The following TMEM132C variants were observed in gnomAD, a reference collection of about 807,000 sequenced individuals.
The protein encoded by TMEM132C is protein phosphatase 1, regulatory subunit 152.
Under a neutral mutation model 61.4 loss-of-function variants are expected in TMEM132C, and 29 were observed. The ratio of observed to expected loss-of-function variants is 0.47; its 90% CI spans 0.35 to 0.64. TMEM132C has a LOEUF of 0.64. TMEM132C is among the 30% of genes least tolerant of loss of function. The probability of loss-of-function intolerance (pLI) is 0.00; values close to 1 mark genes in which losing one functional copy is unlikely to be tolerated. For synonymous variants in TMEM132C, 656 were observed against 633.1 expected, an observed-to-expected ratio of 1.04 and a Z score of -0.54; for missense variants, 1,408 against 1,476.9, an observed-to-expected ratio of 0.95 and a Z score of 0.76.
chr12:128,276,670 C>G (rs1436706527), intron 1 of TMEM132C, among the ~76,000 whole-genome samples: 1 of 152,134 alleles, frequency 6.6e-6, no homozygotes, highest in Non-Finnish European at 1.5e-5. Flanking sequence ...CTCAATTGGT[C>G]CCTCTGGCCC....
intron 1 of TMEM132C, among the ~76,000 whole-genome samples, chr12:128,373,196 T>C (rs1294464138): frequency 6.6e-6 from 1 of 152,126 alleles, no homozygotes; most frequent in African/African-American, 2.4e-5. Context: ...TGTTTTGTCC[T>C]CTTCCCACAG....
chr12:128,703,411 T>C (rs1954816435), intron 8 of TMEM132C, among the ~76,000 whole-genome samples: 1 of 152,234 alleles, frequency 6.6e-6, no homozygotes, highest in Non-Finnish European at 1.5e-5. Context: ...GGGTTTTCTG[T>C]TTCTGTGTCA....
chr12:128,419,678 GGTTATTTTCTTTTGATA>G (rs1201655671), intron 2 of TMEM132C, among the ~76,000 whole-genome samples: 1 of 148,868 alleles, frequency 6.7e-6, no homozygotes, highest in Non-Finnish European at 1.5e-5. Context: ...CATTGTTTAT[GGTTATTTTCTTTTGATA>G]GCCCAAATAC....
intron 3 of TMEM132C, among the ~76,000 whole-genome samples, chr12:128,580,599 A>C (rs1288753540): frequency 6.6e-6 from 1 of 152,170 alleles, no homozygotes; most frequent in Admixed American, 6.5e-5. Flanking sequence ...CCATGCAGTG[A>C]TTTTAAAATC....
chr12:128,629,002 TGTC>T (rs1565996391), intron 4 of TMEM132C, among the ~76,000 whole-genome samples: 1 of 152,190 alleles, frequency 6.6e-6, no homozygotes, highest in Non-Finnish European at 1.5e-5. Flanking sequence ...TTTAAGTAAT[TGTC>T]ACATGAGGAG....
chr12:128,600,738 C>G (rs1876155081), intron 3 of TMEM132C, among the ~76,000 whole-genome samples: 1 of 152,204 alleles, frequency 6.6e-6, no homozygotes, highest in African/African-American at 2.4e-5. Context: ...GTCTGGGGCC[C>G]ACCATGGACC....
At chr12:128,675,393 T>G (rs1027033805) in intron 5 of TMEM132C, among the ~76,000 whole-genome samples, 1 of 152,224 alleles carries the variant, frequency 6.6e-6, no homozygotes, top group African/African-American at 2.4e-5. Flanking sequence ...GTCACGCAAC[T>G]TGTACATGGC....
chr12:128,471,621 G>A (rs549257778), intron 2 of TMEM132C, among the ~76,000 whole-genome samples: 10 of 152,256 alleles, frequency 6.6e-5, no homozygotes, highest in Non-Finnish European at 1.3e-4. Flanking sequence ...ATCATGCTTG[G>A]GTGCACAGAT....
chr12:128,605,119 A>T (rs565513633), intron 3 of TMEM132C, among the ~76,000 whole-genome samples: 1 of 148,088 alleles, frequency 6.8e-6, no homozygotes, highest in Non-Finnish European at 1.5e-5. Flanking sequence ...TAAATGATAG[A>T]TAGATAGATA....
intron 4 of TMEM132C, among the ~76,000 whole-genome samples, chr12:128,629,674 AT>A (rs1954049387): frequency 6.6e-6 from 1 of 152,136 alleles, no homozygotes; most frequent in Non-Finnish European, 1.5e-5. Context: ...TGAATTCTGC[AT>A]TTTAAAATTT....
At chr12:128,530,161 C>T (rs1300623966) in intron 2 of TMEM132C, among the ~76,000 whole-genome samples, 3 of 152,056 alleles carry the variant, frequency 2.0e-5, no homozygotes, top group African/African-American at 7.2e-5. Flanking sequence ...CAGGCGTAGA[C>T]GATGCACCCA....
intron 3 of TMEM132C, among the ~76,000 whole-genome samples, chr12:128,583,891 C>T (rs542492963): frequency 3.1e-4 from 47 of 152,342 alleles, no homozygotes; most frequent in African/African-American, 1.1e-3. Context: ...GAGGAGTCTT[C>T]CCCAGGGTGT....
chr12:128,394,235 A>G (rs561741680), intron 1 of TMEM132C, among the ~76,000 whole-genome samples: 53 of 152,278 alleles, frequency 3.5e-4, no homozygotes, highest in African/African-American at 1.2e-3. Context: ...CCATGCTTCA[A>G]TTATCTCCCG....
At chr12:128,613,415 A>G (rs976639158) in intron 3 of TMEM132C, among the ~76,000 whole-genome samples, 8 of 152,202 alleles carry the variant, frequency 5.3e-5, no homozygotes, top group Admixed American at 2.6e-4. Context: ...TGCTCTTTAC[A>G]GATCCTCGCC....
In TMEM132C at chr12:128,581,641, C is replaced by T. The variant is rs554255973; in HGVS notation, c.1122-34511C>T. On this transcript the variant is annotated intron_variant, in intron 3 of 8. Transcript: ENST00000435159. ...ACACATTTGAGACCCAGCTGGAGTGCGTTTCAGAGCCAGGCAGCTGATGTC... is the reference window on the plus strand; with the variant it reads ...ACACATTTGAGACCCAGCTGGAGTGTGTTTCAGAGCCAGGCAGCTGATGTC... Among the ~76,000 whole-genome samples the T allele has an allele frequency of 9.8e-5, 15 of 152,306 alleles. No individual in the cohort carries two copies. In the East Asian group the frequency reaches 1.2e-3, roughly 12 times the overall value.
chr12:128,598,676 A>C (rs1394285096), intron 3 of TMEM132C, among the ~76,000 whole-genome samples: 1 of 150,878 alleles, frequency 6.6e-6, no homozygotes, highest in Admixed American at 6.6e-5. Flanking sequence ...TCTCTCACTT[A>C]TTGTTCAGCT....
At chr12:128,554,400 C>T (rs1234731855) in intron 3 of TMEM132C, among the ~76,000 whole-genome samples, 1 of 152,192 alleles carries the variant, frequency 6.6e-6, no homozygotes, top group East Asian at 1.9e-4. Context: ...TGCCGGCTGT[C>T]AGTTGCCAGA....
In TMEM132C at chr12:128,695,917, C is replaced by T; in HGVS notation, c.1743C>T (p.Val581=). Residue 581 remains valine (V), a synonymous_variant, in exon 7 of 9, where the codon GTC becomes GTT. Coordinates refer to ENST00000435159, the MANE Select transcript of TMEM132C (RefSeq NM_001136103.3). ...AATACCAGCACGCCACCGTGCGGGTCCTCACCCAGTTTGTGTCTGAGGGCG... is the reference window on the plus strand; with the variant it reads ...AATACCAGCACGCCACCGTGCGGGTTCTCACCCAGTTTGTGTCTGAGGGCG... ...ALQYQHATVR[V]LTQFVSEGAG... is the part of the protein sequence containing the mutation. The T allele has an allele frequency of 3.9e-6, 6 of 1,551,730 alleles. No homozygotes were observed. The highest frequency in any genetic ancestry group is 4.4e-6 in the Non-Finnish European group (5 of 1,147,006).
At chr12:128,341,612 A>G (rs972986951) in intron 1 of TMEM132C, among the ~76,000 whole-genome samples, 6 of 152,210 alleles carry the variant, frequency 3.9e-5, no homozygotes, top group African/African-American at 1.4e-4. Flanking sequence ...ATAAATGGGC[A>G]TGAGTGTGCA....
Sources: gnomAD v4.1 joint callset for allele counts (sites outside exome capture counted in the v4.1 genomes callset) on GRCh38, gnomAD v4.1.1 for gene constraint, MANE v1.5 for transcripts, NCBI Gene and HGNC (gene_info 2026-07-23, HGNC 2026-07-21) for gene names.